The following RC3H1 variants were observed in gnomAD, a reference collection of about 807,000 sequenced individuals.
The protein encoded by RC3H1 is roquin-1.
RC3H1 carries 50 observed loss-of-function variants against 138.2 expected under a neutral mutation model. The ratio of observed to expected loss-of-function variants is 0.36; its 90% CI spans 0.29 to 0.46. RC3H1 has a LOEUF of 0.46. RC3H1 is among the 20% of genes least tolerant of loss of function. The pLI is 1.00. For missense variants in RC3H1, 1,031 were observed against 1,388.1 expected (o/e 0.74, Z 4.09); for synonymous variants, 462 against 489.1 (o/e 0.94, Z 0.73).
chr1:173,947,889 T>C (rs1659203057), intron 14 of RC3H1, among the ~76,000 whole-genome samples: 1 of 151,848 alleles, frequency 6.6e-6, no homozygotes, highest in Non-Finnish European at 1.5e-5. Flanking sequence ...ACTACAGGCA[T>C]GTACCAGCAC....
chr1:173,941,866 G>A (rs1452298892), intron 18 of RC3H1, among the ~76,000 whole-genome samples: 1 of 151,620 alleles, frequency 6.6e-6, no homozygotes, highest in Non-Finnish European at 1.5e-5. Context: ...AGAAGACGGA[G>A]GTTGCAGTGA....
rs181552400 is a variant in RC3H1, at chr1:173,964,757, A to T, written c.1616+82T>A. 4.0e-3 allele frequency: 4,756 copies of T among 1,193,448 alleles called. 123 individuals are homozygous for T. The African/African-American group carries it at 0.067, about 17-fold the overall frequency. 73.9% of individuals were successfully genotyped at this position (1,193,448 alleles called of 1,614,324 possible). ...AAAATAATCAGGGTTTTTTTTTTTT[A>T]AATCCCAAACATTAATTATTCTATC... On this transcript the variant is annotated intron_variant, in intron 10 of 19. Coordinates refer to ENST00000367696, the MANE Select transcript of RC3H1 (RefSeq NM_172071.4).
chr1:173,999,378 C>CAA (rs11299661), intron 1 of RC3H1, among the ~76,000 whole-genome samples: 4 of 110,314 alleles, frequency 3.6e-5, no homozygotes, highest in African/African-American at 2.0e-4. Flanking sequence ...AAAACTCCAC[C>CAA]AAAAAAAAAA....
At chr1:173,938,920 C>A (rs749640361) in intron 19 of RC3H1, 49 bp from the exon 20 acceptor site, 5 of 1,436,066 alleles carry the variant, frequency 3.5e-6, no homozygotes, top group Admixed American at 4.1e-5. Context: ...AAAATGATTA[C>A]TACAATAAAA....
At chr1:173,947,753 G>A (rs1468525522) in intron 14 of RC3H1, among the ~76,000 whole-genome samples, 171 bp from the exon 15 acceptor site, 2 of 152,042 alleles carry the variant, frequency 1.3e-5, no homozygotes, top group Non-Finnish European at 2.9e-5. Flanking sequence ...AAACCTCTGA[G>A]GTGAGGGGCG....
At chr1:173,976,807 TA>T (rs1319144387) in intron 7 of RC3H1, among the ~76,000 whole-genome samples, 6 of 151,926 alleles carry the variant, frequency 3.9e-5, no homozygotes, top group African/African-American at 1.5e-4. Flanking sequence ...AGTAGGCTGA[TA>T]AAAAACTAAG....
At chr1:173,974,016 G>A (rs1660470172) in intron 7 of RC3H1, among the ~76,000 whole-genome samples, 1 of 152,064 alleles carries the variant, frequency 6.6e-6, no homozygotes, top group African/African-American at 2.4e-5. Context: ...GAGCTAAGAA[G>A]AGAAGTGGGG....
rs60259705 is a variant in RC3H1 at position 173,950,420 on chromosome 1, C to CAAAAAA, written c.2523+1560_2523+1565dup. 3.5e-4 allele frequency among the ~76,000 whole-genome samples: 22 copies of CAAAAAA among 63,658 alleles called. 1 individual carries two copies. The highest frequency in any genetic ancestry group is 1.2e-3 in the African/African-American group (18 of 14,402). 41.8% of individuals were successfully genotyped at this position (63,658 alleles called of 152,430 possible). ...CAACATAGCAAGACCTCATCTCTAC[C>CAAAAAA]AAAAAAAAAAAAAAAAAAAAAGAGC... On this transcript the variant is annotated intron_variant, in intron 14 of 19. Transcript: ENST00000367696.
At position 174,012,161 on chromosome 1, in the gene RC3H1, G is replaced by A. The variant is rs139230136; in HGVS notation, c.-151+9935C>T. ...TGAGTGGATCACTTGAGCCTGGGAG[G>A]TCAAGGCTGCAGTGAGCCCTGATCC... On this transcript the variant is annotated intron_variant, in intron 1 of 19. Transcript: ENST00000367696. Among the ~76,000 whole-genome samples, 41 of 151,884 alleles carry A rather than the reference G, an allele frequency of 2.7e-4. 1 individual carries two copies. The highest frequency in any genetic ancestry group is 5.2e-4 in the Non-Finnish European group (35 of 67,954).
intron 9 of RC3H1, among the ~76,000 whole-genome samples, chr1:173,969,003 C>T (rs561562152): frequency 6.6e-4 from 100 of 151,626 alleles, no homozygotes; most frequent in African/African-American, 2.2e-3. Context: ...GGTCTACAGG[C>T]GCATGCCACC....
chr1:173,948,406 GAAGA>G (rs1173517723), intron 14 of RC3H1, among the ~76,000 whole-genome samples: 3 of 130,290 alleles, frequency 2.3e-5, no homozygotes, highest in African/African-American at 4.4e-5. Flanking sequence ...ATTCAATCTT[GAAGA>G]AATATATATA....
intron 5 of RC3H1, among the ~76,000 whole-genome samples, chr1:173,982,301 C>A (rs758931139): frequency 6.6e-6 from 1 of 152,022 alleles, no homozygotes; most frequent in South Asian, 2.1e-4. Flanking sequence ...ATCGCTTGAA[C>A]GCAGGAGGTG....
intron 7 of RC3H1, among the ~76,000 whole-genome samples, chr1:173,974,112 T>C (rs1021184458): frequency 1.3e-5 from 2 of 151,772 alleles, no homozygotes; most frequent in African/African-American, 2.4e-5. Context: ...CACTGCGCTC[T>C]ACTAAAAATA....
chr1:173,983,986 A>G (rs780918171), intron 3 of RC3H1, among the ~76,000 whole-genome samples: 10 of 152,206 alleles, frequency 6.6e-5, no homozygotes, highest in Admixed American at 3.3e-4. Context: ...TGAAGTCCTA[A>G]GAGTTCTGGT....
chr1:173,952,818 T>C (rs1659472668), intron 13 of RC3H1, among the ~76,000 whole-genome samples: 1 of 152,192 alleles, frequency 6.6e-6, no homozygotes, highest in African/African-American at 2.4e-5. Flanking sequence ...TATAAAATGT[T>C]TTACATTTTC....
chr1:173,970,376 C>A (rs1660304588), intron 9 of RC3H1, 129 bp downstream of exon 9: 1 of 680,364 alleles, frequency 1.5e-6, no homozygotes, highest in Non-Finnish European at 2.5e-6. Context: ...TAGGAATGTT[C>A]AAGCTGTGTT....
At chr1:173,944,808 G>A (rs113901620) in intron 17 of RC3H1, among the ~76,000 whole-genome samples, 14 of 152,224 alleles carry the variant, frequency 9.2e-5, no homozygotes, top group South Asian at 4.2e-4. Context: ...ATCTAATTGC[G>A]TACATAGGGG....
chr1:173,979,601 A>T (rs1217316608), intron 6 of RC3H1, among the ~76,000 whole-genome samples: 1 of 152,210 alleles, frequency 6.6e-6, no homozygotes. Flanking sequence ...GATTGCAGTG[A>T]GCCGAGATAG....
rs1659865862 is a variant in RC3H1 at position 173,961,327 on chromosome 1, G to A, written c.2203-83C>T. 9 of 1,266,590 alleles carry A rather than the reference G, an allele frequency of 7.1e-6. No individual in the cohort carries two copies. The South Asian group carries it at 1.1e-4, about 16-fold the overall frequency. 78.5% of individuals were successfully genotyped at this position (1,266,590 alleles called of 1,614,324 possible). Reference sequence around the variant, plus strand: ...TTAATATACTCAGCGTATATTTTAAGTTATGAAACAGCTTGTATACCCTTC... The same window carrying A: ...TTAATATACTCAGCGTATATTTTAAATTATGAAACAGCTTGTATACCCTTC... On this transcript the variant is annotated intron_variant, in intron 12 of 19. Coordinates refer to ENST00000367696, the MANE Select transcript of RC3H1 (RefSeq NM_172071.4).
Sources: allele counts gnomAD v4.1 joint callset (sites outside exome capture counted in the v4.1 genomes callset), GRCh38; gene constraint gnomAD v4.1.1; transcripts MANE v1.5; gene names NCBI Gene and HGNC (gene_info 2026-07-23, HGNC 2026-07-21).